The following SNED1 variants were observed in gnomAD, a reference collection of about 807,000 sequenced individuals.
SNED1 encodes the protein sushi, nidogen and EGF-like domain-containing protein 1.
SNED1 carries 81 observed loss-of-function variants against 166.7 expected under a neutral mutation model. The observed-to-expected ratio is 0.49, with a 90% confidence interval of 0.41 to 0.58. SNED1 has a LOEUF of 0.58. Ranked by LOEUF, SNED1 falls within the 20% of genes least tolerant of loss-of-function variation. SNED1 has a pLI of 0.00. For missense variants in SNED1, 1,604 were observed against 2,000.2 expected (o/e 0.80, Z 3.78); for synonymous variants, 762 against 822.0 (o/e 0.93, Z 1.25).
chr2:241,084,880 A>G (rs1355441163), intron 29 of SNED1, among the ~76,000 whole-genome samples: 1 of 151,776 alleles, frequency 6.6e-6, no homozygotes, highest in African/African-American at 2.4e-5. Flanking sequence ...TGAAGAATAT[A>G]TTTGCTGAAT....
chr2:241,034,021 C>A, intron 3 of SNED1, 146 bp downstream of exon 3: 2 of 1,045,926 alleles, frequency 1.9e-6, no homozygotes, highest in Non-Finnish European at 1.3e-6. Flanking sequence ...CCACAACCAT[C>A]CCTGAGGCCT....
At chr2:241,032,971 T>A (rs1184618704) in intron 2 of SNED1, among the ~76,000 whole-genome samples, 1 of 152,218 alleles carries the variant, frequency 6.6e-6, no homozygotes, top group African/African-American at 2.4e-5. Flanking sequence ...ATCTTATGGA[T>A]TTTTTTAAGT....
rs1419873230 is a variant in SNED1, at chr2:241,064,978, C to CA, written c.2713+22dup. On this transcript the variant is annotated intron_variant, in intron 20 of 31. Transcript: ENST00000310397. This position sits in a 1 kb window ranked among gnomAD's most constrained non-coding sequence, Gnocchi z 7.0. ...CAAAGGTGGGTGGCGAGGGCGCCTC[C>CA]AGTGAGGGAGCCACGAGGGGGTCCC... is the stretch of plus-strand genomic sequence containing the variant. The CA allele has an allele frequency of 1.9e-6, 3 of 1,540,310 alleles. No individual in the cohort carries two copies. The Admixed American group carries it at 6.4e-5, about 33-fold the overall frequency.
Position 241,073,360 on chromosome 2 carries a change from C to A in SNED1, c.3912C>A (p.Ile1304=). The A allele has an allele frequency of 6.4e-7, 1 of 1,567,096 alleles. No individual in the cohort carries two copies. The highest frequency in any genetic ancestry group is 8.6e-7 in the Non-Finnish European group (1 of 1,156,928). Reference sequence around the variant, plus strand: ...TCCCTGAACACGGCAGCAAGGACATCGGAAGTGAGTCAGCAGCGCTGGTGG... The same window carrying A: ...TCCCTGAACACGGCAGCAAGGACATAGGAAGTGAGTCAGCAGCGCTGGTGG... ...LQLPEHGSKD[I]GNVPGNCSEN... is the part of the protein sequence containing the mutation. Residue 1304 remains isoleucine (I), a synonymous_variant, in exon 27 of 32, where the codon ATC becomes ATA. Coordinates refer to ENST00000310397, the MANE Select transcript of SNED1 (RefSeq NM_001080437.3). The surrounding 1 kb of genome is among the most constrained non-coding windows in gnomAD (Gnocchi z 6.6).
rs2061856196 is a variant in SNED1, at chr2:241,051,903, C to T, written c.1852+43C>T. On this transcript the variant is annotated intron_variant, in intron 13 of 31. Coordinates refer to ENST00000310397, the MANE Select transcript of SNED1 (RefSeq NM_001080437.3). This position sits in a 1 kb window ranked among gnomAD's most constrained non-coding sequence, Gnocchi z 4.7. ...AGGGGGGAGGGCAGGAACGACGGGC[C>T]AGCCCTGAGCTGGGGCCCCTGATGC... The T allele has an allele frequency of 6.7e-7, 1 of 1,503,302 alleles. No homozygotes were observed. The highest frequency in any genetic ancestry group is 9.0e-7 in the Non-Finnish European group (1 of 1,113,612). 93.1% of individuals were successfully genotyped at this position (1,503,302 alleles called of 1,614,324 possible).
intron 1 of SNED1, among the ~76,000 whole-genome samples, chr2:241,016,850 C>CTTTTTTTTT (rs5839783): frequency 1.6e-5 from 2 of 125,812 alleles, no homozygotes; most frequent in Non-Finnish European, 3.3e-5. Context: ...TTCTTTCTTT[C>CTTTTTTTTT]TTTTTTTTTT....
chr2:241,057,379 A>AT (rs2062081339), intron 16 of SNED1, among the ~76,000 whole-genome samples: 3 of 81,316 alleles, frequency 3.7e-5, no homozygotes, highest in African/African-American at 1.8e-4. Flanking sequence ...CTCCATCTCA[A>AT]AATATATATA....
intron 1 of SNED1, among the ~76,000 whole-genome samples, chr2:241,024,990 C>A (rs184707015): frequency 8.5e-5 from 13 of 152,126 alleles, no homozygotes; most frequent in African/African-American, 3.1e-4. Flanking sequence ...GCCATATTAT[C>A]CCCTCTATCA....
intron 1 of SNED1, among the ~76,000 whole-genome samples, chr2:241,025,665 G>T (rs2060937991): frequency 6.6e-6 from 1 of 151,956 alleles, no homozygotes; most frequent in African/African-American, 2.4e-5. Context: ...TTTAGTGTGG[G>T]TCTGCTGTTT....
chr2:241,042,330 G>C (rs1230432264), intron 8 of SNED1, among the ~76,000 whole-genome samples: 2 of 152,170 alleles, frequency 1.3e-5, no homozygotes, highest in African/African-American at 2.4e-5. Context: ...CTTTAGTAGT[G>C]CTGAACTAAA....
Position 241,037,160 on chromosome 2 carries a change from C to G in SNED1, c.932-80C>G, listed in dbSNP as rs74000322. The G allele has an allele frequency of 6.1e-3, 7,734 of 1,271,418 alleles. 360 individuals are homozygous for G. In the African/African-American group the frequency reaches 0.1, roughly 17 times the overall value. The allele number at this position is 1,271,418 out of a possible 1,614,324, so 78.8% of individuals were successfully genotyped here. ...ATCTCGGGCTTGCTCCTCCTCCGTC[C>G]CCGGCCCAACCCGAGCCCTTAGAGA... On this transcript the variant is annotated intron_variant, in intron 5 of 31. Coordinates refer to ENST00000310397, the MANE Select transcript of SNED1 (RefSeq NM_001080437.3).
intron 3 of SNED1, 95 bp from the exon 4 acceptor site, chr2:241,034,473 C>T (rs955325512): frequency 1.8e-5 from 22 of 1,237,666 alleles, no homozygotes; most frequent in Middle Eastern, 2.7e-4. Context: ...GGGAGGTTGC[C>T]GACCCTGGCA....
chr2:241,029,994 T>C (rs1347185155), intron 1 of SNED1, among the ~76,000 whole-genome samples: 1 of 152,238 alleles, frequency 6.6e-6, no homozygotes, highest in Non-Finnish European at 1.5e-5. Context: ...AAAGGGGGAC[T>C]TTCCTACCCC....
intron 21 of SNED1, among the ~76,000 whole-genome samples, 170 bp downstream of exon 21, chr2:241,065,765 C>T (rs2062419469): frequency 6.6e-6 from 1 of 152,188 alleles, no homozygotes; most frequent in African/African-American, 2.4e-5. Flanking sequence ...GGAGACAGAG[C>T]TGTGTGGGAG....
rs767913756 is a variant in SNED1, at chr2:241,067,858, C to T, written c.3105C>T (p.Val1035=). ...TGCACAGGATCCGCCATGCCACCGT[C>T]AGTGGGGTCCGTGTGTCCATCCGCC... is the stretch of plus-strand genomic sequence containing the variant. ...WALHRIRHAT[V]SGVRVSIRHP... is the part of the protein sequence containing the mutation. The change falls in exon 22 of 32, where the codon GTC becomes GTT. Residue 1035 remains valine, a synonymous_variant. Coordinates refer to ENST00000310397, the MANE Select transcript of SNED1 (RefSeq NM_001080437.3). The T allele has an allele frequency of 6.2e-7, 1 of 1,613,520 alleles. No homozygotes were observed. Among genetic ancestry groups the T allele is most frequent in the South Asian group, 1.1e-5 (1 of 91,078 alleles).
At chr2:241,056,390 A>G (rs925111877) in intron 16 of SNED1, among the ~76,000 whole-genome samples, 20 of 152,186 alleles carry the variant, frequency 1.3e-4, no homozygotes, top group Non-Finnish European at 2.2e-4. Context: ...TGCTGGGATT[A>G]CAGGCATGAA....
At chr2:241,014,805 C>T (rs182387033) in intron 1 of SNED1, among the ~76,000 whole-genome samples, 16 of 152,246 alleles carry the variant, frequency 1.1e-4, no homozygotes, top group South Asian at 4.1e-4. Flanking sequence ...GTCCTTCACA[C>T]GCAGGTCTCT....
intron 29 of SNED1, among the ~76,000 whole-genome samples, chr2:241,086,587 T>G (rs1168600213): frequency 1.3e-5 from 2 of 152,242 alleles, no homozygotes; most frequent in Non-Finnish European, 2.9e-5. Context: ...ATACAGTTAC[T>G]TACTATATTT....
At chr2:241,037,012 C>A (rs2125026147) in intron 5 of SNED1, 97 bp downstream of exon 5, 1 of 1,440,040 alleles carries the variant, frequency 6.9e-7, no homozygotes, top group Admixed American at 2.1e-5. Flanking sequence ...CCCAGGGTCC[C>A]AGGTCAGGAG....
Sources: allele counts gnomAD v4.1 joint callset (sites outside exome capture counted in the v4.1 genomes callset), GRCh38; gene constraint gnomAD v4.1.1; non-coding constraint Gnocchi (gnomAD v3.1); transcripts MANE v1.5; gene names NCBI Gene and HGNC (gene_info 2026-07-23, HGNC 2026-07-21).